RHD: variants seen among roughly 807,000 people sequenced by gnomAD.
RHD encodes the protein Rh blood group D antigen.
A neutral mutation model predicts 45.5 loss-of-function variants in RHD; 16 were observed. That is an observed-to-expected ratio of 0.35 (90% CI 0.24 to 0.53). The LOEUF (loss-of-function observed/expected upper bound fraction) is 0.53. Ranked by LOEUF, RHD falls within the 20% of genes least tolerant of loss-of-function variation. The pLI is 0.92. For missense variants in RHD, 306 were observed against 532.0 expected (o/e 0.58, Z 4.18); for synonymous variants, 131 against 217.5 (o/e 0.60, Z 3.50).
chr1:25,273,178 C>T (rs1261021846), intron 1 of RHD, among the ~76,000 whole-genome samples: 1 of 130,080 alleles, frequency 7.7e-6, no homozygotes, highest in Admixed American at 7.6e-5. Context: ...CTCTGTTGCC[C>T]AGGCTGAAGT....
Position 25,309,815 on chromosome 1 carries a change from G to A in RHD, c.1073+3086G>A, listed in dbSNP as rs575902014. Among the ~76,000 whole-genome samples, 179 of 132,750 alleles carry A rather than the reference G, an allele frequency of 1.3e-3. 15 individuals are homozygous for A. The highest frequency in any genetic ancestry group is 4.3e-3 in the African/African-American group (166 of 38,720). The allele number at this position is 132,750 out of a possible 152,430, so 87.1% of individuals were successfully genotyped here. A position where few individuals can be genotyped will look rare whatever the true frequency, so the allele number is the denominator to read the frequency against. The stretch of plus-strand genomic sequence containing the variant: ...CAGGGCTGCTGTGAGGACATGTGTT[G>A]AGCTGAGGGTCTCGCCAGGGGAGAC... On this transcript the variant is annotated intron_variant, in intron 7 of 9. Transcript: ENST00000328664.
At position 25,314,237 on chromosome 1, in the gene RHD, C is replaced by T. The variant is rs1014306265; in HGVS notation, c.1074-2763C>T. Among the ~76,000 whole-genome samples, 9 of 132,676 alleles carry T rather than the reference C, an allele frequency of 6.8e-5. 2 individuals are homozygous for T. The highest frequency in any genetic ancestry group is 7.3e-5 in the Admixed American group (1 of 13,654). 87.0% of individuals were successfully genotyped at this position (132,676 alleles called of 152,430 possible). ...AAGCTCCTTTTACTCCACATTTTGCCAACACTTGGTGTTTTCCTTCTTTTT... is the reference window on the plus strand; with the variant it reads ...AAGCTCCTTTTACTCCACATTTTGCTAACACTTGGTGTTTTCCTTCTTTTT... On this transcript the variant is annotated intron_variant, in intron 7 of 9. Transcript: ENST00000328664.
At chr1:25,311,317 C>A (rs1489456411) in intron 7 of RHD, among the ~76,000 whole-genome samples, 1 of 131,772 alleles carries the variant, frequency 7.6e-6, no homozygotes, top group African/African-American at 2.6e-5. Flanking sequence ...ACATTTTCAG[C>A]TGAGAACACT....
In RHD at chr1:25,284,567, G is replaced by T; in HGVS notation, c.149-6G>T. ...TCGTCCTTCTCGCCATCTCCCCACCGAGCAGTTGGCCAAGATCTGACCGTG... is the reference window on the plus strand; with the variant it reads ...TCGTCCTTCTCGCCATCTCCCCACCTAGCAGTTGGCCAAGATCTGACCGTG... On this transcript the variant is annotated splice_region_variant and splice_polypyrimidine_tract_variant and intron_variant, in intron 1 of 9. Transcript: ENST00000328664. The T allele has an allele frequency of 7.2e-7, 1 of 1,388,648 alleles. No homozygotes were observed. The highest frequency in any genetic ancestry group is 1.4e-5 in the African/African-American group (1 of 71,468). 86.0% of individuals were successfully genotyped at this position (1,388,648 alleles called of 1,614,324 possible).
intron 7 of RHD, among the ~76,000 whole-genome samples, chr1:25,314,473 C>T (rs539640290): frequency 7.6e-6 from 1 of 131,946 alleles, no homozygotes; most frequent in African/African-American, 2.6e-5. Flanking sequence ...ATATGAATCC[C>T]ACTTTGTGCG....
chr1:25,313,637 G>A (rs1199961846), intron 7 of RHD, among the ~76,000 whole-genome samples: 1 of 131,868 alleles, frequency 7.6e-6, no homozygotes, highest in Admixed American at 7.4e-5. Flanking sequence ...CGTCATGCAG[G>A]GCCACACAAA....
intron 1 of RHD, among the ~76,000 whole-genome samples, chr1:25,274,860 G>T (rs1345017455): frequency 1.6e-5 from 2 of 124,138 alleles, no homozygotes; most frequent in African/African-American, 5.5e-5. Context: ...TATAAAAACT[G>T]GCTGGGTGTG....
intron 9 of RHD, 117 bp downstream of exon 9, chr1:25,322,079 G>A (rs1281839559): frequency 1.8e-6 from 1 of 561,040 alleles, no homozygotes; most frequent in East Asian, 2.7e-5. Context: ...ATGGAGTAAG[G>A]AGCATTGCAG....
In RHD at chr1:25,303,553, A is replaced by C. The variant is rs1204836094; in HGVS notation, c.939+94A>C. On this transcript the variant is annotated intron_variant, in intron 6 of 9. Transcript: ENST00000328664. ...CCACTGTGCAGTGCACAGCTGCATT[A>C]GGCAGGTGTCGGCGCATTCTCTTAT... 12 of 1,199,950 alleles carry C rather than the reference A, an allele frequency of 1.0e-5. 2 individuals are homozygous for C. The African/African-American group carries it at 1.6e-4, about 16-fold the overall frequency. 74.3% of individuals were successfully genotyped at this position (1,199,950 alleles called of 1,614,324 possible).
rs1643593744 is a variant in RHD, at chr1:25,303,893, T to C, written c.939+434T>C. Among the ~76,000 whole-genome samples the C allele has an allele frequency of 1.7e-5, 2 of 120,458 alleles. 1 individual carries two copies. The highest frequency in any genetic ancestry group is 3.9e-5 in the Non-Finnish European group (2 of 51,164). The allele number at this position is 120,458 out of a possible 152,430, so 79.0% of individuals were successfully genotyped here. On this transcript the variant is annotated intron_variant, in intron 6 of 9. Transcript: ENST00000328664. ...CAAGAAAGCAGCCTGGTGGATGGAA[T>C]CTCTTGGCCCCAATCCCAAATTCTC... is the stretch of plus-strand genomic sequence containing the variant.
intron 1 of RHD, among the ~76,000 whole-genome samples, chr1:25,278,700 A>T (rs1641224684): frequency 7.6e-6 from 1 of 131,288 alleles, no homozygotes; most frequent in Admixed American, 7.4e-5. Context: ...CCCCATCCCC[A>T]CCCCATATTC....
In RHD at chr1:25,281,692, A is replaced by G. The variant is rs1380945710; in HGVS notation, c.149-2881A>G. On this transcript the variant is annotated intron_variant, in intron 1 of 9. Coordinates refer to ENST00000328664, the MANE Select transcript of RHD (RefSeq NM_016124.6). ...AAGGATGCAAGCAGGAGATAGAAAC[A>G]TTCCCTGCACCTCCCTCCTTGTTGT... Among the ~76,000 whole-genome samples the G allele has an allele frequency of 3.1e-5, 4 of 130,840 alleles. 1 individual carries two copies. The highest frequency in any genetic ancestry group is 7.2e-5 in the Non-Finnish European group (4 of 55,362). 85.8% of individuals were successfully genotyped at this position (130,840 alleles called of 152,430 possible).
chr1:25,286,029 G>A (rs1641956663), intron 2 of RHD, among the ~76,000 whole-genome samples: 1 of 135,308 alleles, frequency 7.4e-6, no homozygotes, highest in South Asian at 2.2e-4. Flanking sequence ...GAAGCTCAGA[G>A]AGGGCAAGGC....
chr1:25,305,903 G>C (rs1643787474), intron 6 of RHD, among the ~76,000 whole-genome samples: 1 of 131,556 alleles, frequency 7.6e-6, no homozygotes, highest in South Asian at 2.3e-4. Context: ...TGCCCAACCT[G>C]GATTTTTATT....
intron 7 of RHD, among the ~76,000 whole-genome samples, chr1:25,312,929 A>AAAAAAAAAC (rs1644231966): frequency 1.2e-5 from 1 of 86,846 alleles, no homozygotes; most frequent in Non-Finnish European, 2.8e-5. Context: ...CTAAAAAAAA[A>AAAAAAAAAC]AAAAAAAAAA....
chr1:25,294,084 C>T, intron 3 of RHD: 1 of 674,400 alleles, frequency 1.5e-6, no homozygotes. Context: ...GTTATTTCTT[C>T]CTTATTGTGA....
At chr1:25,320,202 A>T (rs1282496282) in intron 8 of RHD, among the ~76,000 whole-genome samples, 1 of 131,620 alleles carries the variant, frequency 7.6e-6, no homozygotes, top group African/African-American at 2.6e-5. Flanking sequence ...CCGGCCGACA[A>T]ATTCTTAAAA....
At chr1:25,298,767 A>C (rs1643139579) in intron 3 of RHD, among the ~76,000 whole-genome samples, 1 of 131,596 alleles carries the variant, frequency 7.6e-6, no homozygotes, top group Non-Finnish European at 1.8e-5. Flanking sequence ...CGTCTGTTCC[A>C]GAAGGAAAGA....
intron 8 of RHD, among the ~76,000 whole-genome samples, chr1:25,319,376 G>A (rs868684605): frequency 2.1e-4 from 28 of 131,298 alleles, no homozygotes; most frequent in African/African-American, 6.1e-4. Context: ...AGCACCTTGG[G>A]AAGCTGAGGT....
Sources: allele counts gnomAD v4.1 joint callset (sites outside exome capture counted in the v4.1 genomes callset), GRCh38; gene constraint gnomAD v4.1.1; transcripts MANE v1.5; gene names NCBI Gene and HGNC (gene_info 2026-07-23, HGNC 2026-07-21).